The following DMD variants were observed in gnomAD, a reference collection of about 807,000 sequenced individuals.
The protein encoded by DMD is mutant dystrophin.
A neutral mutation model predicts 330.1 loss-of-function variants in DMD; 63 were observed. The observed-to-expected ratio is 0.19, with a 90% CI of 0.16 to 0.24. DMD has a LOEUF of 0.24. DMD is among the 10% of genes least tolerant of loss of function. The pLI, the probability that DMD is intolerant of heterozygous loss-of-function variation, is 1.00. For synonymous variants in DMD, 1,223 were observed against 959.8 expected, an observed-to-expected ratio of 1.27 and a Z score of -5.07; for missense variants, 3,344 against 2,684.1, an observed-to-expected ratio of 1.25 and a Z score of -5.43.
intron 7 of DMD, among the ~76,000 whole-genome samples, chrX:32,781,404 T>C (rs1020561206): frequency 8.9e-5 from 10 of 112,084 alleles, no homozygotes; most frequent in African/African-American, 2.9e-4. Context: ...GTTTACTCTG[T>C]TAATATTGTA....
At chrX:33,312,258 G>T (rs1408978516) in intron 1 of DMD, among the ~76,000 whole-genome samples, 2 of 111,059 alleles carry the variant, frequency 1.8e-5, no homozygotes, top group Admixed American at 1.9e-4. Context: ...CAAAAATACA[G>T]TATTCGCAGA....
intron 44 of DMD, among the ~76,000 whole-genome samples, chrX:32,077,451 G>T (rs2096361402): frequency 9.0e-6 from 1 of 110,613 alleles, no homozygotes; most frequent in Admixed American, 9.5e-5. Context: ...ATATAAATGT[G>T]ATAAAATAGA....
intron 7 of DMD, among the ~76,000 whole-genome samples, chrX:32,752,172 G>C (rs2070911469): frequency 9.0e-6 from 1 of 111,558 alleles, no homozygotes; most frequent in Non-Finnish European, 1.9e-5. Flanking sequence ...CCCCAGAATG[G>C]TAGATCCACT....
intron 1 of DMD, among the ~76,000 whole-genome samples, chrX:33,198,756 C>T (rs12847444): frequency 0.012 from 1,299 of 110,445 alleles, 10 homozygotes; most frequent in Non-Finnish European, 0.018. Context: ...TAATTAGTCA[C>T]GTACATACAT....
chrX:31,172,319 C>A (rs369773215), intron 73 of DMD, 29 bp downstream of exon 73: 12 of 1,073,184 alleles, frequency 1.1e-5, no homozygotes, highest in African/African-American at 1.8e-5. Flanking sequence ...TTGTCAGGAA[C>A]ATTTTGTAAA....
intron 30 of DMD, among the ~76,000 whole-genome samples, chrX:32,401,363 C>G (rs1437250926): frequency 2.7e-5 from 3 of 111,732 alleles, no homozygotes; most frequent in African/African-American, 6.5e-5. Context: ...TACCTATACA[C>G]AATACAGTAC....
chrX:32,236,973 T>C lies in DMD; in HGVS notation c.6291-19910A>G, dbSNP rs191539251. On this transcript the variant is annotated intron_variant, in intron 43 of 78. Transcript: ENST00000357033. ...TATTTTTCTTAAATTATGACATAAA[T>C]CCTTTATTGTTTTAGTATTGCAAAT... Among the ~76,000 whole-genome samples the C allele has an allele frequency of 1.8e-4, 20 of 112,052 alleles. No individual in the cohort carries two copies. In the Admixed American group the frequency reaches 1.8e-3, roughly 10 times the overall value.
At chrX:32,881,759 C>T (rs1442470222) in intron 2 of DMD, among the ~76,000 whole-genome samples, 1 of 112,045 alleles carries the variant, frequency 8.9e-6, no homozygotes, top group Non-Finnish European at 1.9e-5. Context: ...TATTAGCACT[C>T]ATGCTGGTTA....
chrX:31,151,415 G>C (rs1269435046), intron 74 of DMD, among the ~76,000 whole-genome samples: 1 of 112,241 alleles, frequency 8.9e-6, no homozygotes, highest in Non-Finnish European at 1.9e-5. Flanking sequence ...CCTCAAGATG[G>C]TACAACAAGC....
intron 45 of DMD, among the ~76,000 whole-genome samples, chrX:31,941,119 T>G (rs1445349101): frequency 8.9e-6 from 1 of 112,046 alleles, no homozygotes; most frequent in Non-Finnish European, 1.9e-5. Flanking sequence ...GTCTACACAG[T>G]TGCTGAAACA....
chrX:31,499,690 G>C (rs978941334), intron 56 of DMD, among the ~76,000 whole-genome samples: 9 of 110,558 alleles, frequency 8.1e-5, no homozygotes, highest in African/African-American at 3.0e-4. Flanking sequence ...ATGGGGTTTC[G>C]CCATGCTGGC....
At chrX:33,251,734 C>T (rs1247156019) in intron 1 of DMD, among the ~76,000 whole-genome samples, 1 of 111,627 alleles carries the variant, frequency 9.0e-6, no homozygotes, top group African/African-American at 3.3e-5. Flanking sequence ...ATTCTTCTCC[C>T]CAGAGATACC....
rs749250039 is a variant in DMD at position 31,507,269 on chromosome X, A to G, written c.8390+12T>C. 8.3e-7 allele frequency: 1 copy of G among 1,209,897 alleles called. No individual in the cohort carries two copies. Among genetic ancestry groups the G allele is most frequent in the Admixed American group, 2.2e-5 (1 of 45,773 alleles). On this transcript the variant is annotated intron_variant, in intron 56 of 78. Transcript: ENST00000357033. ...TTCATTTGTGGCCTTTTTGCTCCACATCTTTTCCTACCTAATGTTGAGAGA... is the reference window on the plus strand; with the variant it reads ...TTCATTTGTGGCCTTTTTGCTCCACGTCTTTTCCTACCTAATGTTGAGAGA...
chrX:32,933,691 G>C (rs2089773719), intron 2 of DMD, among the ~76,000 whole-genome samples: 1 of 112,068 alleles, frequency 8.9e-6, no homozygotes, highest in African/African-American at 3.2e-5. Flanking sequence ...AAGATGAAAT[G>C]ACTGCTGTTG....
intron 59 of DMD, among the ~76,000 whole-genome samples, chrX:31,470,912 G>A (rs752717606): frequency 1.2e-4 from 13 of 112,147 alleles, no homozygotes; most frequent in South Asian, 3.7e-4. Context: ...GGTGAGCTCC[G>A]CCCAGTTAGA....
rs192367658 is a variant in DMD at position 32,968,345 on chromosome X, G to A, written c.93+51794C>T. 5.4e-5 allele frequency among the ~76,000 whole-genome samples: 6 copies of A among 110,861 alleles called. No individual in the cohort carries two copies. In the East Asian group the frequency reaches 1.7e-3, roughly 32 times the overall value. Reference sequence around the variant, plus strand: ...CATGAAATAGCTATTTCTGGTGAAAGGAAATAAAGGAGAAGAGATAGTTCT... The same window carrying A: ...CATGAAATAGCTATTTCTGGTGAAAAGAAATAAAGGAGAAGAGATAGTTCT... On this transcript the variant is annotated intron_variant, in intron 2 of 78. Coordinates refer to ENST00000357033, the MANE Select transcript of DMD (RefSeq NM_004006.3).
rs142115986 is a variant in DMD, at chrX:32,491,499, G to T, written c.2400C>A (p.Ser800Arg). 4 of 1,208,133 alleles carry T rather than the reference G, an allele frequency of 3.3e-6. No homozygotes were observed. Among genetic ancestry groups the T allele is most frequent in the Middle Eastern group, 2.3e-4 (1 of 4,336 alleles). ...TCAGTTGTTCTGAGGCTTGTTTGAT[G>T]CTATCTGCATTAACACCCTCTAGAA... Reference protein sequence around the residue: ...QMVNEGVNADSIKQASEQLNS... With the variant: ...QMVNEGVNADRIKQASEQLNS... The change falls in exon 20 of 79, where the codon AGC becomes AGA. Residue 800 changes from serine (S) to arginine (R), a missense_variant. Coordinates refer to ENST00000357033, the MANE Select transcript of DMD (RefSeq NM_004006.3).
chrX:32,178,226 A>AAACT (rs1223630390), intron 44 of DMD, among the ~76,000 whole-genome samples: 1 of 109,020 alleles, frequency 9.2e-6, no homozygotes, highest in Non-Finnish European at 1.9e-5. Context: ...TAATGTCAAT[A>AAACT]AACTACTTTT....
At chrX:32,871,332 A>G (rs1374874968) in intron 2 of DMD, among the ~76,000 whole-genome samples, 3 of 111,147 alleles carry the variant, frequency 2.7e-5, no homozygotes, top group East Asian at 5.6e-4. Flanking sequence ...TTTACCTGCA[A>G]TGGTAAACAG....
Sources: gnomAD v4.1 joint callset for allele counts (sites outside exome capture counted in the v4.1 genomes callset) on GRCh38, gnomAD v4.1.1 for gene constraint, MANE v1.5 for transcripts, NCBI Gene and HGNC (gene_info 2026-07-23, HGNC 2026-07-21) for gene names.